The following DKKL1 variants were observed in gnomAD, a reference collection of about 807,000 sequenced individuals.
DKKL1 encodes dickkopf-like protein 1.
DKKL1 carries 11 observed loss-of-function variants against 16.5 expected under a neutral mutation model. The observed-to-expected ratio is 0.67, with a 90% confidence interval of 0.42 to 1.10. DKKL1 has a LOEUF of 1.10. DKKL1 is among the 50% of genes least tolerant of loss of function. DKKL1 has a pLI of 0.00. For synonymous variants in DKKL1, 119 were observed against 133.2 expected, an observed-to-expected ratio of 0.89 and a Z score of 0.73; for missense variants, 320 against 308.1, an observed-to-expected ratio of 1.04 and a Z score of -0.29.
chr19:49,361,156 G>A (rs977065503), upstream of DKKL1, among the ~76,000 whole-genome samples: 130 of 37,692 alleles, frequency 3.4e-3, 1 homozygote, highest in African/African-American at 5.3e-3. Context: ...GACAGAGACC[G>A]GGGGGGGGGG....
rs758194514 is a variant in DKKL1, at chr19:49,374,955, G to C, written c.656G>C (p.Ser219Thr). The C allele has an allele frequency of 1.2e-6, 2 of 1,613,516 alleles. No homozygotes were observed. Among genetic ancestry groups the C allele is most frequent in the Non-Finnish European group, 1.7e-6 (2 of 1,179,864 alleles). ...GACGTCCTAGAAGAGGGGACCGAGA[G>C]CTCCTCCCACTCCAGGCTGTCCCCC... is the stretch of plus-strand genomic sequence containing the variant. ...HKDVLEEGTE[S>T]SSHSRLSPRK... Residue 219 changes from serine (S) to threonine (T), a missense_variant, in exon 5 of 5, where the codon AGC becomes ACC. Coordinates refer to ENST00000221498, the MANE Select transcript of DKKL1 (RefSeq NM_014419.4).
At chr19:49,369,340 G>C (rs1973383305) in intron 4 of DKKL1, 1 of 151,812 alleles carries the variant, frequency 6.6e-6, no homozygotes, top group African/African-American at 2.4e-5. Context: ...TTTGTTTTTT[G>C]TTTTTTGTAT....
intron 4 of DKKL1, chr19:49,369,839 G>T: frequency 6.5e-6 from 1 of 152,692 alleles, no homozygotes; most frequent in Non-Finnish European, 1.5e-5. Context: ...AAGGGTGCTC[G>T]TGAAGGCTAG....
rs1973129587 is a variant in DKKL1, at chr19:49,363,954, G to A, written c.-45G>A. The A allele has an allele frequency of 1.2e-6, 2 of 1,610,596 alleles. No individual in the cohort carries two copies. The highest frequency in any genetic ancestry group is 1.1e-5 in the South Asian group (1 of 90,510). ...GGAATCCGGGAGTCCGGTGACCCGG[G>A]CTGTGGTCTAGCATAAAGGCGGAGC... On this transcript the variant is annotated 5_prime_UTR_variant, in exon 1 of 5. Coordinates refer to ENST00000221498, the MANE Select transcript of DKKL1 (RefSeq NM_014419.4).
chr19:49,370,460 T>C (rs1436567247), intron 4 of DKKL1: 1 of 152,114 alleles, frequency 6.6e-6, no homozygotes, highest in Non-Finnish European at 1.5e-5. Flanking sequence ...CTCTACTGGA[T>C]TGAAGGCTGA....
chr19:49,368,979 G>T (rs1259738490), intron 4 of DKKL1: 1 of 152,112 alleles, frequency 6.6e-6, no homozygotes, highest in Non-Finnish European at 1.5e-5. Flanking sequence ...ACCTATTTAA[G>T]AAAGTTTTTT....
At chr19:49,367,906 T>A (rs12979818) in intron 4 of DKKL1, among the ~76,000 whole-genome samples, 1 of 152,208 alleles carries the variant, frequency 6.6e-6, no homozygotes, top group Non-Finnish European at 1.5e-5. Context: ...ACAGGCACAG[T>A]GGCTTACACC....
At chr19:49,368,332 A>T (rs1232930163) in intron 4 of DKKL1, among the ~76,000 whole-genome samples, 1 of 150,954 alleles carries the variant, frequency 6.6e-6, no homozygotes, top group Non-Finnish European at 1.5e-5. Flanking sequence ...AAAAAAAATC[A>T]AAAAAGTAGC....
At chr19:49,366,419 G>T (rs959577345) in intron 4 of DKKL1, among the ~76,000 whole-genome samples, 2 of 121,552 alleles carry the variant, frequency 1.6e-5, no homozygotes, top group South Asian at 6.0e-4. Flanking sequence ...AGAGGGTTTT[G>T]TATCAAAGTG....
At position 49,364,631 on chromosome 19, in the gene DKKL1, C is replaced by T. The variant is rs1568590996; in HGVS notation, c.60C>T (p.Leu20=). The T allele has an allele frequency of 6.2e-7, 1 of 1,613,588 alleles. No homozygotes were observed. Among genetic ancestry groups the T allele is most frequent in the Non-Finnish European group, 8.5e-7 (1 of 1,180,016 alleles). Residue 20 remains leucine, a synonymous_variant, in exon 2 of 5, where the codon CTC becomes CTT. Transcript: ENST00000221498. The part of the protein sequence containing the change: ...ARRHLLVLLL[L]LSTLVIPSAA... Reference sequence around the variant, plus strand: ...GGCATCTGCTGGTCCTGCTGCTGCTCCTCTCTACCCTGGTGATCCCCTCCG... The same window carrying T: ...GGCATCTGCTGGTCCTGCTGCTGCTTCTCTCTACCCTGGTGATCCCCTCCG...
upstream of DKKL1, among the ~76,000 whole-genome samples, chr19:49,362,142 G>A (rs1972996008): frequency 1.3e-5 from 2 of 152,052 alleles, no homozygotes; most frequent in Admixed American, 6.5e-5. Context: ...CCGCTCCTGC[G>A]CGCACGCCCA....
Position 49,366,084 on chromosome 19 carries a change from C to T in DKKL1, c.417+199C>T, listed in dbSNP as rs146453918. Reference sequence around the variant, plus strand: ...CTGGGATTACAGGCACCTGCCACCACGCCCGGCTAATTTTTTGTATTTTTT... The same window carrying T: ...CTGGGATTACAGGCACCTGCCACCATGCCCGGCTAATTTTTTGTATTTTTT... On this transcript the variant is annotated intron_variant, in intron 4 of 4. Transcript: ENST00000221498. Among the ~76,000 whole-genome samples, 1,015 of 152,200 alleles carry T rather than the reference C, an allele frequency of 6.7e-3. 17 individuals are homozygous for T. The highest frequency in any genetic ancestry group is 0.023 in the African/African-American group (949 of 41,534).
intron 4 of DKKL1, among the ~76,000 whole-genome samples, chr19:49,372,172 T>A (rs962938766): frequency 6.6e-6 from 1 of 152,200 alleles, no homozygotes; most frequent in African/African-American, 2.4e-5. Context: ...AAGGTTGGCA[T>A]CATTGGCATG....
rs757246751 is a variant in DKKL1 at position 49,364,593 on chromosome 19, G to A, written c.22G>A (p.Ala8Thr). The A allele has an allele frequency of 1.2e-6, 2 of 1,611,062 alleles. No homozygotes were observed. Among genetic ancestry groups the A allele is most frequent in the South Asian group, 1.1e-5 (1 of 90,818 alleles). ...GACCCTTGCCACAGCCTCCCCACCT[G>A]CCCCCGCAAGGCGGCATCTGCTGGT... is the stretch of plus-strand genomic sequence containing the variant. MGEASPP[A>T]PARRHLLVLL... Residue 8 changes from alanine to threonine, a missense_variant, in exon 2 of 5, where the codon GCC (alanine) becomes ACC (threonine). Physicochemically the swap from Ala to Thr is moderately conservative, Grantham distance 58 (BLOSUM62 0). Coordinates refer to ENST00000221498, the MANE Select transcript of DKKL1 (RefSeq NM_014419.4).
chr19:49,367,174 G>A (rs149091746), intron 4 of DKKL1, among the ~76,000 whole-genome samples: 311 of 151,516 alleles, frequency 2.1e-3, no homozygotes, highest in African/African-American at 7.1e-3. Context: ...CTACAAGTAC[G>A]TGCCACCACG....
chr19:49,362,148 G>A (rs1273923755), upstream of DKKL1, among the ~76,000 whole-genome samples: 2 of 152,172 alleles, frequency 1.3e-5, no homozygotes, highest in Non-Finnish European at 2.9e-5. Context: ...CTGCGCGCAC[G>A]CCCAAACTCA....
chr19:49,368,488 A>AAAATAAATAAATAAATAAATAAAT lies in DKKL1; in HGVS notation c.417+2607_417+2630dup, dbSNP rs1039855646. Among the ~76,000 whole-genome samples the AAAATAAATAAATAAATAAATAAAT allele has an allele frequency of 1.9e-3, 290 of 151,156 alleles. 1 individual carries two copies. Among genetic ancestry groups the AAAATAAATAAATAAATAAATAAAT allele is most frequent in the African/African-American group, 6.9e-3 (279 of 40,652 alleles). ...GCAACAGAGTGAGACTCTGTCTCAAAAAATAAATAAATAAATAAATAAATA... is the reference window on the plus strand; with the variant it reads ...GCAACAGAGTGAGACTCTGTCTCAAAAAATAAATAAATAAATAAATAAATAAATAAATAAATAAATAAATAAATA... On this transcript the variant is annotated intron_variant, in intron 4 of 4. Coordinates refer to ENST00000221498, the MANE Select transcript of DKKL1 (RefSeq NM_014419.4).
Position 49,365,594 on chromosome 19 carries a change from A to C in DKKL1, c.269A>C (p.Asn90Thr), listed in dbSNP as rs1158479048. 2 of 1,613,804 alleles carry C rather than the reference A, an allele frequency of 1.2e-6. No homozygotes were observed. Among genetic ancestry groups the C allele is most frequent in the Admixed American group, 3.3e-5 (2 of 59,974 alleles). ...GLPGNYHKEE[N>T]QEHQLGNNTL... ...CCTGGGAACTACCACAAAGAGGAGAACCAGGAGCACCAGCTGGGGAACAAC... is the reference window on the plus strand; with the variant it reads ...CCTGGGAACTACCACAAAGAGGAGACCCAGGAGCACCAGCTGGGGAACAAC... Residue 90 changes from asparagine (N) to threonine (T), a missense_variant, in exon 3 of 5, where the codon AAC becomes ACC. By Grantham distance (65) the Asn-to-Thr change is moderately conservative. Coordinates refer to ENST00000221498, the MANE Select transcript of DKKL1 (RefSeq NM_014419.4).
At position 49,364,588 on chromosome 19, in the gene DKKL1, C is replaced by G. The variant is rs1302752617; in HGVS notation, c.17C>G (p.Pro6Arg). 1.1e-5 allele frequency: 18 copies of G among 1,610,086 alleles called. No homozygotes were observed. Among genetic ancestry groups the G allele is most frequent in the African/African-American group, 2.7e-5 (2 of 74,824 alleles). MGEAS[P>R]PAPARRHLLV... The stretch of plus-strand genomic sequence containing the variant: ...ACCCCGACCCTTGCCACAGCCTCCC[C>G]ACCTGCCCCCGCAAGGCGGCATCTG... The change falls in exon 2 of 5, where the codon CCA (proline) becomes CGA (arginine). Residue 6 changes from proline to arginine, a missense_variant. Physicochemically the swap from Pro to Arg is moderately radical, Grantham distance 103 (BLOSUM62 -2). Transcript: ENST00000221498.
Sources: gnomAD v4.1 joint callset for allele counts (sites outside exome capture counted in the v4.1 genomes callset) on GRCh38, gnomAD v4.1.1 for gene constraint, MANE v1.5 for transcripts, NCBI Gene and HGNC (gene_info 2026-07-23, HGNC 2026-07-21) for gene names.